The following DPP10 variants were observed in gnomAD, a reference collection of about 807,000 sequenced individuals.
DPP10 encodes inactive dipeptidyl peptidase 10.
In DPP10, 33 loss-of-function variants were observed where a neutral mutation model predicts 120.9. The observed-to-expected ratio is 0.27, with a 90% CI of 0.21 to 0.37. The LOEUF (loss-of-function observed/expected upper bound fraction) is 0.37. Among genes scored for constraint, DPP10 ranks in the 10% least tolerant of loss-of-function variants. The pLI, the probability that DPP10 is intolerant of heterozygous loss-of-function variation, is 1.00. For synonymous variants in DPP10, 337 were observed against 326.1 expected (o/e 1.03, Z -0.36); for missense variants, 816 against 942.8 (o/e 0.87, Z 1.76).
rs192534525 is a variant in DPP10 at position 115,418,708 on chromosome 2, G to T, written c.271+74796G>T. On this transcript the variant is annotated intron_variant, in intron 3 of 25. Transcript: ENST00000410059. The stretch of plus-strand genomic sequence containing the variant: ...GATCACTTGAGCCCAGGAGGTTGAG[G>T]CTGCAGTGAGCTCTGATCACAAACA... Among the ~76,000 whole-genome samples, 1,123 of 152,122 alleles carry T rather than the reference G, an allele frequency of 7.4e-3. 6 individuals are homozygous for T. Among genetic ancestry groups the T allele is most frequent in the African/African-American group, 0.025 (1,029 of 41,480 alleles).
intron 1 of DPP10, among the ~76,000 whole-genome samples, chr2:115,265,627 T>C (rs1416354881): frequency 6.6e-6 from 1 of 152,124 alleles, no homozygotes; most frequent in Non-Finnish European, 1.5e-5. Flanking sequence ...ACTAAATGAA[T>C]GTCAGTCCCT....
intron 19 of DPP10, among the ~76,000 whole-genome samples, chr2:115,808,628 G>C (rs1176511398): frequency 1.3e-5 from 2 of 152,286 alleles, no homozygotes; most frequent in East Asian, 3.9e-4. Flanking sequence ...TAAAGCCACT[G>C]GACCTGGGCT....
intron 1 of DPP10, among the ~76,000 whole-genome samples, chr2:115,177,029 C>T (rs936267297): frequency 5.3e-5 from 8 of 152,152 alleles, no homozygotes; most frequent in Non-Finnish European, 1.0e-4. Context: ...CAAAAAGTCA[C>T]TCTTTATTGT....
intron 1 of DPP10, among the ~76,000 whole-genome samples, chr2:114,471,534 T>C (rs2104617084): frequency 6.6e-6 from 1 of 152,288 alleles, no homozygotes; most frequent in Admixed American, 6.5e-5. Context: ...TAAACAGGAA[T>C]GCTAAAATAT....
chr2:114,794,689 T>C (rs1169581529), intron 1 of DPP10, among the ~76,000 whole-genome samples: 1 of 152,234 alleles, frequency 6.6e-6, no homozygotes, highest in Non-Finnish European at 1.5e-5. Flanking sequence ...AGTACTACCT[T>C]ATTGTTCCAG....
At chr2:115,121,780 C>T (rs1460609705) in intron 1 of DPP10, among the ~76,000 whole-genome samples, 1 of 152,124 alleles carries the variant, frequency 6.6e-6, no homozygotes, top group East Asian at 1.9e-4. Flanking sequence ...TCTCCTTAGC[C>T]CTGTCCTCCT....
At chr2:115,101,652 C>G (rs1045565433) in intron 1 of DPP10, among the ~76,000 whole-genome samples, 6 of 152,180 alleles carry the variant, frequency 3.9e-5, no homozygotes, top group Admixed American at 3.9e-4. Flanking sequence ...GTGAAACATG[C>G]TGTCTTTAGA....
intron 1 of DPP10, among the ~76,000 whole-genome samples, chr2:115,270,066 TCAC>T (rs1274895220): frequency 7.7e-6 from 1 of 130,642 alleles, no homozygotes; most frequent in Non-Finnish European, 1.6e-5. Flanking sequence ...TAGGTATACT[TCAC>T]ACACACACAC....
At chr2:114,942,296 T>TACATATATATATATATATATATATAC (rs1553458456) in intron 1 of DPP10, among the ~76,000 whole-genome samples, 7 of 127,024 alleles carry the variant, frequency 5.5e-5, no homozygotes, top group South Asian at 5.1e-4. Context: ...TGTATATATA[T>TACATATATATATATATATATATATAC]ACATATATAT....
chr2:114,786,843 G>A (rs1447191249), intron 1 of DPP10, among the ~76,000 whole-genome samples: 1 of 152,172 alleles, frequency 6.6e-6, no homozygotes, highest in African/African-American at 2.4e-5. Context: ...GGAAAATTGG[G>A]AATCCATGGG....
chr2:115,495,250 T>G (rs1290316709), intron 3 of DPP10, among the ~76,000 whole-genome samples: 1 of 151,156 alleles, frequency 6.6e-6, no homozygotes, highest in East Asian at 2.0e-4. Flanking sequence ...CGTAATAGTT[T>G]AGGATTGGTG....
chr2:115,564,230 GTCT>G (rs2080859798), intron 5 of DPP10, among the ~76,000 whole-genome samples: 1 of 130,918 alleles, frequency 7.6e-6, no homozygotes, highest in Non-Finnish European at 1.6e-5. Flanking sequence ...ATTTGATCAT[GTCT>G]TTTTTTTTTT....
intron 1 of DPP10, among the ~76,000 whole-genome samples, chr2:114,523,196 C>A (rs931357612): frequency 6.6e-6 from 1 of 152,210 alleles, no homozygotes; most frequent in African/African-American, 2.4e-5. Flanking sequence ...ATAGAGAGTT[C>A]TGGAGCATAA....
chr2:115,376,533 T>G (rs1476360559), intron 3 of DPP10, among the ~76,000 whole-genome samples: 2 of 141,016 alleles, frequency 1.4e-5, no homozygotes, highest in African/African-American at 5.4e-5. Flanking sequence ...GTCCCTTTCT[T>G]TTTTTTTTTA....
intron 1 of DPP10, among the ~76,000 whole-genome samples, chr2:114,639,015 A>G (rs1290457599): frequency 6.6e-6 from 1 of 151,866 alleles, no homozygotes; most frequent in Non-Finnish European, 1.5e-5. Flanking sequence ...CCCTAATCCT[A>G]AACAATTTAG....
At chr2:115,361,653 C>T (rs374556444) in intron 3 of DPP10, among the ~76,000 whole-genome samples, 2 of 152,122 alleles carry the variant, frequency 1.3e-5, no homozygotes, top group African/African-American at 2.4e-5. Context: ...GCTAGGATCT[C>T]AGAGGTCTGT....
chr2:114,988,608 T>C (rs933559663), intron 1 of DPP10, among the ~76,000 whole-genome samples: 5 of 152,234 alleles, frequency 3.3e-5, no homozygotes, highest in African/African-American at 9.6e-5. Flanking sequence ...TTTTCTCTTT[T>C]TGTAGCCCTT....
intron 1 of DPP10, among the ~76,000 whole-genome samples, chr2:115,227,078 TAAAG>T (rs2057470013): frequency 6.6e-6 from 1 of 152,172 alleles, no homozygotes; most frequent in Non-Finnish European, 1.5e-5. Flanking sequence ...AGGCTAAAAA[TAAAG>T]ACAGATATTG....
chr2:115,726,607 C>T (rs901465235), intron 7 of DPP10, among the ~76,000 whole-genome samples: 1 of 152,074 alleles, frequency 6.6e-6, no homozygotes, highest in Admixed American at 6.6e-5. Flanking sequence ...AATTCTTACT[C>T]TGATATTGAG....
Sources: allele counts gnomAD v4.1 joint callset (sites outside exome capture counted in the v4.1 genomes callset), GRCh38; gene constraint gnomAD v4.1.1; transcripts MANE v1.5; gene names NCBI Gene and HGNC (gene_info 2026-07-23, HGNC 2026-07-21).